The following RBFOX1 variants were observed in gnomAD, a reference collection of about 807,000 sequenced individuals.
RBFOX1 encodes RNA binding protein fox-1 homolog 1.
A neutral mutation model predicts 57.7 loss-of-function variants in RBFOX1; 8 were observed. The observed-to-expected ratio is 0.14, with a 90% CI of 0.08 to 0.25. RBFOX1 has a LOEUF of 0.25. RBFOX1 is among the 10% of genes least tolerant of loss of function. The pLI is 1.00. For missense variants in RBFOX1, 611 were observed against 548.5 expected (o/e 1.11, Z -1.14); for synonymous variants, 326 against 222.4 (o/e 1.47, Z -4.15).
chr16:5,986,642 G>A (rs186617669), intron 4 of RBFOX1, among the ~76,000 whole-genome samples: 4 of 152,314 alleles, frequency 2.6e-5, no homozygotes, highest in Admixed American at 1.3e-4. Context: ...ATAGTAGGCA[G>A]TCTTTTAGGA....
rs191056794 is a variant in RBFOX1 at position 7,346,001 on chromosome 16, C to T, written c.28-172146C>T. Among the ~76,000 whole-genome samples, 56 of 152,196 alleles carry T rather than the reference C, an allele frequency of 3.7e-4. No individual in the cohort carries two copies. In the East Asian group the frequency reaches 9.7e-3, roughly 26 times the overall value. On this transcript the variant is annotated intron_variant, in intron 4 of 15. Coordinates refer to ENST00000550418, the MANE Select transcript of RBFOX1 (RefSeq NM_018723.4). ...GCTCCTCCAACCCCACAACAGGCCC[C>T]GGTGTGTGATGTTCCCCTTCCTGTG...
chr16:5,447,822 T>C (rs577322721), intron 1 of RBFOX1, among the ~76,000 whole-genome samples: 1 of 152,230 alleles, frequency 6.6e-6, no homozygotes, highest in Non-Finnish European at 1.5e-5. Flanking sequence ...CTTCTGTGCT[T>C]GGCATGGCAT....
chr16:6,806,861 T>G (rs2086961154), intron 3 of RBFOX1, among the ~76,000 whole-genome samples: 1 of 136,184 alleles, frequency 7.3e-6, no homozygotes, highest in African/African-American at 2.8e-5. Context: ...TGAGAGAAAG[T>G]CTTGCTCTGT....
At chr16:5,494,003 G>T (rs918818479) in intron 2 of RBFOX1, among the ~76,000 whole-genome samples, 2 of 152,226 alleles carry the variant, frequency 1.3e-5, no homozygotes, top group Non-Finnish European at 2.9e-5. Context: ...CAGCCTTCTT[G>T]TGGGGCTTTG....
At chr16:6,480,298 T>C (rs948844895) in intron 2 of RBFOX1, among the ~76,000 whole-genome samples, 12 of 152,210 alleles carry the variant, frequency 7.9e-5, no homozygotes, top group African/African-American at 2.9e-4. Flanking sequence ...ATACATGTTA[T>C]ATGCATGTAA....
intron 2 of RBFOX1, among the ~76,000 whole-genome samples, chr16:5,498,308 A>C (rs2043071242): frequency 6.6e-6 from 1 of 151,918 alleles, no homozygotes; most frequent in South Asian, 2.1e-4. Context: ...ACGCCCAGCT[A>C]ATATTTTGTA....
intron 3 of RBFOX1, among the ~76,000 whole-genome samples, chr16:5,642,434 T>C (rs1399657576): frequency 6.6e-6 from 1 of 152,214 alleles, no homozygotes; most frequent in Non-Finnish European, 1.5e-5. Context: ...ATTAATTAGG[T>C]AACACTTGTG....
intron 3 of RBFOX1, among the ~76,000 whole-genome samples, chr16:7,051,108 G>C (rs527683819): frequency 1.3e-5 from 2 of 152,082 alleles, no homozygotes; most frequent in Admixed American, 1.3e-4. Flanking sequence ...TGGAAGTCGG[G>C]AGTTGTTTCA....
intron 4 of RBFOX1, among the ~76,000 whole-genome samples, chr16:5,869,381 G>A (rs745983889): frequency 6.6e-5 from 10 of 152,050 alleles, no homozygotes; most frequent in Non-Finnish European, 1.0e-4. Context: ...CGATCATGTT[G>A]CCCCTTTTAA....
At chr16:7,249,111 A>G (rs2094419511) in intron 4 of RBFOX1, among the ~76,000 whole-genome samples, 1 of 152,132 alleles carries the variant, frequency 6.6e-6, no homozygotes, top group Admixed American at 6.6e-5. Context: ...GAGAAATGGG[A>G]GAGGGAAAGG....
intron 4 of RBFOX1, among the ~76,000 whole-genome samples, chr16:5,908,181 T>C (rs989429625): frequency 1.4e-4 from 15 of 107,058 alleles, no homozygotes; most frequent in Non-Finnish European, 2.7e-4. Context: ...TATATACACA[T>C]ATATACACAT....
chr16:7,202,151 G>A (rs2088699886), intron 4 of RBFOX1, among the ~76,000 whole-genome samples: 1 of 151,978 alleles, frequency 6.6e-6, no homozygotes, highest in Admixed American at 6.6e-5. Flanking sequence ...AATGGTTAAA[G>A]GACTTGAATA....
intron 2 of RBFOX1, among the ~76,000 whole-genome samples, chr16:6,414,728 A>C (rs558157880): frequency 1.6e-4 from 24 of 152,254 alleles, no homozygotes; most frequent in African/African-American, 5.5e-4. Context: ...TCTCTCTTCA[A>C]AACCACTCTA....
chr16:7,457,829 T>C (rs970228021), intron 4 of RBFOX1, among the ~76,000 whole-genome samples: 1 of 151,306 alleles, frequency 6.6e-6, no homozygotes. Flanking sequence ...AAAAAAAAAA[T>C]AGCATCTTTG....
intron 3 of RBFOX1, among the ~76,000 whole-genome samples, chr16:6,875,159 G>T (rs2061609221): frequency 6.6e-6 from 1 of 152,166 alleles, no homozygotes; most frequent in Non-Finnish European, 1.5e-5. Context: ...AATGCCTACA[G>T]TGCTTGTGCA....
intron 13 of RBFOX1, among the ~76,000 whole-genome samples, chr16:7,670,859 C>A (rs9938697): frequency 0.015 from 2,217 of 152,244 alleles, 61 homozygotes; most frequent in African/African-American, 0.048. Context: ...ACTCTTATGT[C>A]AAAAAACTGC....
At chr16:7,302,970 C>T (rs1308555003) in intron 4 of RBFOX1, among the ~76,000 whole-genome samples, 3 of 152,132 alleles carry the variant, frequency 2.0e-5, no homozygotes, top group Non-Finnish European at 4.4e-5. Flanking sequence ...ATAAATAAAC[C>T]ATTGTAATTT....
chr16:5,998,762 C>T (rs374438235), intron 4 of RBFOX1, among the ~76,000 whole-genome samples: 2 of 152,108 alleles, frequency 1.3e-5, no homozygotes, highest in Non-Finnish European at 2.9e-5. Flanking sequence ...GGCATTTTTT[C>T]GCATACTCCT....
intron 4 of RBFOX1, among the ~76,000 whole-genome samples, chr16:5,890,333 A>G (rs2151933364): frequency 6.6e-6 from 1 of 152,252 alleles, no homozygotes; most frequent in African/African-American, 2.4e-5. Flanking sequence ...CACGTAGTGA[A>G]GCTAGCGATA....
Sources: allele counts gnomAD v4.1 joint callset (sites outside exome capture counted in the v4.1 genomes callset), GRCh38; gene constraint gnomAD v4.1.1; transcripts MANE v1.5; gene names NCBI Gene and HGNC (gene_info 2026-07-23, HGNC 2026-07-21).